Variants in ANKRD55 observed in about 807,000 individuals in gnomAD.
ANKRD55 encodes the protein ankyrin repeat domain 55.
Under a neutral mutation model 60.6 loss-of-function variants are expected in ANKRD55, and 41 were observed. The ratio of observed to expected loss-of-function variants is 0.68; its 90% CI spans 0.53 to 0.88. ANKRD55 has a LOEUF of 0.88. Among genes scored for constraint, ANKRD55 ranks in the 40% least tolerant of loss-of-function variants. The pLI is 0.00. For synonymous variants in ANKRD55, 264 were observed against 290.3 expected, an observed-to-expected ratio of 0.91 and a Z score of 0.92; for missense variants, 732 against 767.6, an observed-to-expected ratio of 0.95 and a Z score of 0.55.
intron 6 of ANKRD55, among the ~76,000 whole-genome samples, chr5:56,158,962 GGGATTACAGGCATGA>G (rs1309291626): frequency 6.6e-6 from 1 of 152,170 alleles, no homozygotes; most frequent in African/African-American, 2.4e-5. Context: ...CCAGAGCACT[GGGATTACAGGCATGA>G]GCCAGTGTCC....
At chr5:56,150,227 G>A (rs1758005489) in intron 6 of ANKRD55, among the ~76,000 whole-genome samples, 1 of 152,052 alleles carries the variant, frequency 6.6e-6, no homozygotes. Context: ...CAGTACCTGT[G>A]ACTTTGCCAC....
intron 5 of ANKRD55, among the ~76,000 whole-genome samples, chr5:56,168,882 A>C (rs1044260375): frequency 6.6e-6 from 1 of 152,228 alleles, no homozygotes; most frequent in Non-Finnish European, 1.5e-5. Context: ...TTTGAGACGA[A>C]GTCTCACTTT....
At chr5:56,201,500 C>CA (rs1759379612) in intron 2 of ANKRD55, among the ~76,000 whole-genome samples, 1 of 152,210 alleles carries the variant, frequency 6.6e-6, no homozygotes, top group South Asian at 2.1e-4. Context: ...GGTAAGAGCA[C>CA]AAGCTCTGGG....
intron 3 of ANKRD55, among the ~76,000 whole-genome samples, chr5:56,178,499 A>C (rs888361896): frequency 3.3e-5 from 5 of 151,282 alleles, no homozygotes; most frequent in Admixed American, 6.6e-5. Flanking sequence ...AAAAAAAAAA[A>C]CCCTCAAAAT....
chr5:56,155,876 G>C (rs990768035), intron 6 of ANKRD55, among the ~76,000 whole-genome samples: 1 of 149,176 alleles, frequency 6.7e-6, no homozygotes, highest in African/African-American at 2.5e-5. Context: ...CCAAAACCAT[G>C]TATATATCTA....
chr5:56,120,632 G>T (rs1580951470), intron 8 of ANKRD55, among the ~76,000 whole-genome samples: 1 of 152,160 alleles, frequency 6.6e-6, no homozygotes, highest in East Asian at 1.9e-4. Context: ...GGGCATGGTG[G>T]CTCACACCTG....
chr5:56,231,651 GCGCACACACACA>G (rs1372414881), intron 2 of ANKRD55, among the ~76,000 whole-genome samples: 4 of 113,528 alleles, frequency 3.5e-5, no homozygotes, highest in African/African-American at 9.7e-5. Flanking sequence ...TTCTGAAGGC[GCGCACACACACA>G]CACACACACA....
intron 8 of ANKRD55, among the ~76,000 whole-genome samples, chr5:56,124,589 C>A (rs1697147111): frequency 6.6e-6 from 1 of 152,064 alleles, no homozygotes; most frequent in African/African-American, 2.4e-5. Flanking sequence ...CTCACTGCAA[C>A]CTCTGCCTCT....
At chr5:56,166,195 T>TTCCG in intron 5 of ANKRD55, among the ~76,000 whole-genome samples, 1 of 117,356 alleles carries the variant, frequency 8.5e-6, no homozygotes, top group African/African-American at 4.2e-5. Flanking sequence ...CCTTCCTTCC[T>TTCCG]TCCTTCTCTC....
At chr5:56,211,693 C>T (rs1045129715) in intron 2 of ANKRD55, among the ~76,000 whole-genome samples, 1 of 152,194 alleles carries the variant, frequency 6.6e-6, no homozygotes, top group Non-Finnish European at 1.5e-5. Flanking sequence ...ATTCCATTCT[C>T]ACTGACTCAC....
intron 6 of ANKRD55, among the ~76,000 whole-genome samples, chr5:56,151,896 C>T (rs535139429): frequency 9.6e-5 from 14 of 146,284 alleles, no homozygotes; most frequent in African/African-American, 2.5e-4. Flanking sequence ...TACATACACA[C>T]GTATATGTGT....
At chr5:56,177,292 C>G (rs148338271) in intron 3 of ANKRD55, among the ~76,000 whole-genome samples, 2 of 152,166 alleles carry the variant, frequency 1.3e-5, no homozygotes, top group East Asian at 3.9e-4. Context: ...GTCATCTGTA[C>G]TGGGAAAAAG....
chr5:56,177,291 A>G (rs1166672245), intron 3 of ANKRD55, among the ~76,000 whole-genome samples: 1 of 152,066 alleles, frequency 6.6e-6, no homozygotes, highest in Non-Finnish European at 1.5e-5. Context: ...AGTCATCTGT[A>G]CTGGGAAAAA....
At chr5:56,130,415 T>C (rs1303439518) in intron 7 of ANKRD55, among the ~76,000 whole-genome samples, 1 of 152,090 alleles carries the variant, frequency 6.6e-6, no homozygotes, top group Non-Finnish European at 1.5e-5. Flanking sequence ...GGAAAAAACA[T>C]CCTGAGAATC....
chr5:56,139,662 C>T (rs1757701729), intron 7 of ANKRD55, among the ~76,000 whole-genome samples: 1 of 152,106 alleles, frequency 6.6e-6, no homozygotes, highest in South Asian at 2.1e-4. Flanking sequence ...ATTACGTGAG[C>T]TTGAGAGGAA....
chr5:56,148,573 TTGA>T (rs773578984), intron 6 of ANKRD55, among the ~76,000 whole-genome samples: 3 of 152,218 alleles, frequency 2.0e-5, no homozygotes, highest in Non-Finnish European at 4.4e-5. Flanking sequence ...GTGTCTTGTG[TTGA>T]TGAGTAATTC....
chr5:56,198,403 A>G (rs1458829102), intron 2 of ANKRD55, among the ~76,000 whole-genome samples: 2 of 151,800 alleles, frequency 1.3e-5, no homozygotes, highest in African/African-American at 2.4e-5. Context: ...CTCCTTCCTC[A>G]GCCTCCCGAG....
chr5:56,207,446 G>A (rs189243615), intron 2 of ANKRD55, among the ~76,000 whole-genome samples: 2 of 152,202 alleles, frequency 1.3e-5, no homozygotes, highest in Admixed American at 6.5e-5. Flanking sequence ...TTAATGCCAG[G>A]GATAGTTCTG....
At chr5:56,114,092 G>C (rs1311108666) in intron 9 of ANKRD55, 1 of 151,240 alleles carries the variant, frequency 6.6e-6, no homozygotes, top group Non-Finnish European at 1.5e-5. Flanking sequence ...ACTTTGGGAG[G>C]CCGAGGCGGG....
Sources: allele counts gnomAD v4.1 joint callset (sites outside exome capture counted in the v4.1 genomes callset), GRCh38; gene constraint gnomAD v4.1.1; transcripts MANE v1.5; gene names NCBI Gene and HGNC (gene_info 2026-07-23, HGNC 2026-07-21).